Variants in SEMA5B observed in about 807,000 individuals in gnomAD.
The protein encoded by SEMA5B is semaphorin-5B.
SEMA5B carries 66 observed loss-of-function variants against 135.0 expected under a neutral mutation model. The ratio of observed to expected loss-of-function variants is 0.49; its 90% CI spans 0.40 to 0.60. The LOEUF (loss-of-function observed/expected upper bound fraction) is 0.60, where lower values mean the gene tolerates loss of function less well. SEMA5B is among the 20% of genes least tolerant of loss of function. SEMA5B has a pLI of 0.00. For missense variants in SEMA5B, 1,501 were observed against 1,566.3 expected (o/e 0.96, Z 0.70); for synonymous variants, 690 against 639.5 (o/e 1.08, Z -1.19).
intron 1 of SEMA5B, among the ~76,000 whole-genome samples, chr3:123,010,135 T>A (rs953537812): frequency 6.6e-6 from 1 of 151,202 alleles, no homozygotes; most frequent in Non-Finnish European, 1.5e-5. Context: ...AGGCGGGGAG[T>A]GCCTTCAGGA....
chr3:122,990,982 G>A (rs1410273975), intron 1 of SEMA5B, among the ~76,000 whole-genome samples: 11 of 152,232 alleles, frequency 7.2e-5, no homozygotes, highest in Admixed American at 3.3e-4. Flanking sequence ...ATATGCACAC[G>A]CGTGTGTATG....
chr3:123,000,436 C>T (rs1299772330), intron 1 of SEMA5B, among the ~76,000 whole-genome samples: 1 of 152,032 alleles, frequency 6.6e-6, no homozygotes, highest in Admixed American at 6.5e-5. Context: ...AAAGGGGTGG[C>T]CTTGGAGGTC....
chr3:122,977,713 C>T (rs756039357), intron 1 of SEMA5B, among the ~76,000 whole-genome samples: 7 of 152,228 alleles, frequency 4.6e-5, no homozygotes, highest in Non-Finnish European at 8.8e-5. Flanking sequence ...TTAACCACCA[C>T]AGTCAGCAAG....
intron 9 of SEMA5B, among the ~76,000 whole-genome samples, chr3:122,924,684 T>C (rs2076556264): frequency 6.6e-6 from 1 of 152,188 alleles, no homozygotes; most frequent in African/African-American, 2.4e-5. Flanking sequence ...TTAAATGTCT[T>C]GCCACACTGA....
intron 1 of SEMA5B, among the ~76,000 whole-genome samples, chr3:123,014,993 C>T (rs577613671): frequency 1.1e-4 from 17 of 152,300 alleles, no homozygotes; most frequent in South Asian, 2.1e-4. Flanking sequence ...GTGACACACA[C>T]GCACACAGGG....
chr3:122,976,056 A>T, intron 1 of SEMA5B: 1 of 1,535,104 alleles, frequency 6.5e-7, no homozygotes. Flanking sequence ...CCCAAATGCC[A>T]GCTCATCTAT....
At chr3:123,007,745 C>T (rs1942346977) in intron 1 of SEMA5B, among the ~76,000 whole-genome samples, 1 of 152,194 alleles carries the variant, frequency 6.6e-6, no homozygotes. Context: ...GATGCAGTCC[C>T]TTGACCTTGG....
chr3:123,018,064 C>T (rs1314491928), intron 1 of SEMA5B, among the ~76,000 whole-genome samples: 2 of 152,172 alleles, frequency 1.3e-5, no homozygotes, highest in African/African-American at 4.8e-5. Flanking sequence ...AGGGGCTTCG[C>T]TTTGAGAATT....
intron 1 of SEMA5B, among the ~76,000 whole-genome samples, chr3:123,023,322 GCACACACACACACA>G (rs3080430): frequency 2.8e-5 from 4 of 144,034 alleles, no homozygotes; most frequent in Admixed American, 1.4e-4. Flanking sequence ...ACTATTTCCA[GCACACACACACACA>G]CACACACACA....
chr3:122,982,276 A>G (rs1941543980), intron 1 of SEMA5B, among the ~76,000 whole-genome samples: 2 of 152,228 alleles, frequency 1.3e-5, no homozygotes. Flanking sequence ...GAGGACTGAC[A>G]GCCCCCTCCC....
At chr3:122,993,583 G>A (rs1941941112) in intron 1 of SEMA5B, among the ~76,000 whole-genome samples, 1 of 152,090 alleles carries the variant, frequency 6.6e-6, no homozygotes, top group African/African-American at 2.4e-5. Context: ...AAGAGAGGAG[G>A]GTGAGAAGCA....
At chr3:123,022,294 C>T (rs1942701261) in intron 1 of SEMA5B, among the ~76,000 whole-genome samples, 1 of 152,192 alleles carries the variant, frequency 6.6e-6, no homozygotes, top group Non-Finnish European at 1.5e-5. Flanking sequence ...CAACCTTTCC[C>T]ATCACAGAAG....
At chr3:122,933,194 C>T (rs980462348) in intron 5 of SEMA5B, among the ~76,000 whole-genome samples, 7 of 151,928 alleles carry the variant, frequency 4.6e-5, no homozygotes, top group African/African-American at 1.7e-4. Flanking sequence ...TTCCGAATCG[C>T]ATGTTTCCCT....
At chr3:122,967,596 CCA>C (rs1200937321) in intron 1 of SEMA5B, among the ~76,000 whole-genome samples, 4 of 152,230 alleles carry the variant, frequency 2.6e-5, no homozygotes, top group Non-Finnish European at 4.4e-5. Context: ...GTATAGGAGC[CCA>C]GCCCCCACAT....
chr3:122,914,657 G>A (rs1209105831), intron 14 of SEMA5B, among the ~76,000 whole-genome samples: 1 of 152,146 alleles, frequency 6.6e-6, no homozygotes, highest in African/African-American at 2.4e-5. Flanking sequence ...TCCAAGGCTG[G>A]GTGTGGTGGC....
chr3:122,994,678 C>G (rs912260553), intron 1 of SEMA5B, among the ~76,000 whole-genome samples: 1 of 152,206 alleles, frequency 6.6e-6, no homozygotes, highest in Non-Finnish European at 1.5e-5. Flanking sequence ...TTGTGGTTGA[C>G]TGCCTTGGCT....
intron 10 of SEMA5B, 110 bp from the exon 11 acceptor site, chr3:122,922,557 C>T (rs1938419613): frequency 1.0e-6 from 1 of 965,528 alleles, no homozygotes; most frequent in East Asian, 2.6e-5. Flanking sequence ...GACGCTGATT[C>T]TCCAGCACCC....
chr3:122,912,505 C>A (rs556539832), intron 18 of SEMA5B, among the ~76,000 whole-genome samples, 163 bp from the exon 19 acceptor site: 4 of 152,196 alleles, frequency 2.6e-5, no homozygotes, highest in Admixed American at 6.5e-5. Context: ...AGTGCCCCCA[C>A]TCCATGCGGC....
chr3:122,911,610 C>T, intron 20 of SEMA5B, 75 bp from the exon 21 acceptor site: 1 of 1,453,224 alleles, frequency 6.9e-7, no homozygotes. Flanking sequence ...AGGCGTAAGC[C>T]TGGGAGGACC....
Sources: gnomAD v4.1 joint callset for allele counts (sites outside exome capture counted in the v4.1 genomes callset) on GRCh38, gnomAD v4.1.1 for gene constraint, MANE v1.5 for transcripts, NCBI Gene and HGNC (gene_info 2026-07-23, HGNC 2026-07-21) for gene names.